ATP9B: variants seen among roughly 807,000 people sequenced by gnomAD.
ATP9B encodes the protein probable phospholipid-transporting ATPase IIB.
Under a neutral mutation model 146.1 loss-of-function variants are expected in ATP9B, and 110 were observed. The ratio of observed to expected loss-of-function variants is 0.75; its 90% confidence interval spans 0.65 to 0.88. The LOEUF (loss-of-function observed/expected upper bound fraction) is 0.88. Ranked by LOEUF, ATP9B falls within the 40% of genes least tolerant of loss-of-function variation. The pLI is 0.00. For synonymous variants in ATP9B, 604 were observed against 569.7 expected, an observed-to-expected ratio of 1.06 and a Z score of -0.86; for missense variants, 1,499 against 1,496.4, an observed-to-expected ratio of 1.00 and a Z score of -0.03.
At chr18:79,113,559 G>A (rs2094010702) in intron 4 of ATP9B, among the ~76,000 whole-genome samples, 1 of 152,190 alleles carries the variant, frequency 6.6e-6, no homozygotes. Context: ...TGCCTGTAGA[G>A]CTGCCAAAGT....
intron 11 of ATP9B, among the ~76,000 whole-genome samples, chr18:79,251,793 T>C (rs2096026486): frequency 6.6e-6 from 1 of 152,250 alleles, no homozygotes; most frequent in Non-Finnish European, 1.5e-5. Context: ...ATTTATTAGC[T>C]CAGTAATTCT....
At chr18:79,283,242 CTG>C (rs2096398343) in intron 13 of ATP9B, among the ~76,000 whole-genome samples, 1 of 152,168 alleles carries the variant, frequency 6.6e-6, no homozygotes, top group South Asian at 2.1e-4. Context: ...GGTTCTGTAA[CTG>C]TGGATGGTTG....
chr18:79,282,301 T>C (rs1226085161), intron 13 of ATP9B, among the ~76,000 whole-genome samples: 1 of 152,232 alleles, frequency 6.6e-6, no homozygotes, highest in Non-Finnish European at 1.5e-5. Flanking sequence ...CGACTTCAGT[T>C]TCAAATGAAG....
Position 79,347,893 on chromosome 18 carries a change from A to G in ATP9B, c.2806A>G (p.Met936Val), listed in dbSNP as rs757515519. 1 of 1,613,662 alleles carries G rather than the reference A, an allele frequency of 6.2e-7. No homozygotes were observed. The highest frequency in any genetic ancestry group is 8.5e-7 in the Non-Finnish European group (1 of 1,179,940). ...KRSAALGQFV[M>V]HRGLIISTMQ... ...GTCGGCGGCACTCGGCCAGTTCGTC[A>G]TGCACAGGGGCCTTATCATCTCCAC... The change falls in exon 24 of 30, where the codon ATG (methionine) becomes GTG (valine). Residue 936 changes from methionine (M) to valine (V), a missense_variant. Physicochemically the swap from Met to Val is conservative, Grantham distance 21. Transcript: ENST00000426216.
intron 8 of ATP9B, among the ~76,000 whole-genome samples, chr18:79,183,802 A>G (rs575284001): frequency 1.7e-4 from 26 of 151,440 alleles, no homozygotes; most frequent in African/African-American, 6.3e-4. Flanking sequence ...TAAAAAAAAA[A>G]AAAGAAAAAC....
intron 7 of ATP9B, among the ~76,000 whole-genome samples, chr18:79,165,226 T>C (rs1044472797): frequency 6.6e-6 from 1 of 152,198 alleles, no homozygotes; most frequent in African/African-American, 2.4e-5. Flanking sequence ...ACAGGGCTGG[T>C]GTTCAGCTTC....
chr18:79,319,952 A>G (rs934505070), intron 15 of ATP9B, among the ~76,000 whole-genome samples: 25 of 152,286 alleles, frequency 1.6e-4, no homozygotes, highest in African/African-American at 5.5e-4. Context: ...GCACACTAGT[A>G]ACTTCAGGGA....
At chr18:79,177,731 A>G (rs369579389) in intron 8 of ATP9B, among the ~76,000 whole-genome samples, 10 of 151,814 alleles carry the variant, frequency 6.6e-5, no homozygotes, top group East Asian at 5.8e-4. Context: ...TCTTTCTTCT[A>G]TTTTCTCTCT....
At chr18:79,106,862 G>A (rs551543328) in intron 2 of ATP9B, among the ~76,000 whole-genome samples, 126 of 152,308 alleles carry the variant, frequency 8.3e-4, no homozygotes, top group African/African-American at 2.8e-3. Flanking sequence ...TTTCTGTTGT[G>A]CTGCTGTTTA....
At chr18:79,212,199 C>T (rs575367316) in intron 10 of ATP9B, among the ~76,000 whole-genome samples, 1 of 152,292 alleles carries the variant, frequency 6.6e-6, no homozygotes, top group East Asian at 1.9e-4. Flanking sequence ...TATTAAAAAG[C>T]ATGACACTCA....
intron 15 of ATP9B, among the ~76,000 whole-genome samples, chr18:79,327,709 TCC>T (rs2096762694): frequency 1.0e-5 from 1 of 95,882 alleles, no homozygotes; most frequent in Non-Finnish European, 2.1e-5. Context: ...GTGTGCTCTC[TCC>T]ATGGTTAGCG....
intron 7 of ATP9B, among the ~76,000 whole-genome samples, chr18:79,157,827 T>C (rs1202175091): frequency 6.6e-6 from 1 of 152,226 alleles, no homozygotes; most frequent in Non-Finnish European, 1.5e-5. Context: ...ACAGTCCTTT[T>C]TATTTCTGTC....
chr18:79,122,472 A>G (rs1026975187), intron 4 of ATP9B, among the ~76,000 whole-genome samples: 1 of 152,222 alleles, frequency 6.6e-6, no homozygotes, highest in Non-Finnish European at 1.5e-5. Context: ...ATACTGACGT[A>G]TCTTAAAACC....
At position 79,377,523 on chromosome 18, in the gene ATP9B, G is replaced by C. The variant is rs1009698004; in HGVS notation, c.*140G>C. On this transcript the variant is annotated 3_prime_UTR_variant, in exon 30 of 30. Coordinates refer to ENST00000426216, the MANE Select transcript of ATP9B (RefSeq NM_198531.5). ...AGGGAGGGTACGCCAGGCGAGCCCA[G>C]GGCACAGATGCTGAGACAGCCTCTC... 13 of 1,131,444 alleles carry C rather than the reference G, an allele frequency of 1.1e-5. No homozygotes were observed. The Admixed American group carries it at 1.4e-4, about 13-fold the overall frequency. 70.1% of individuals were successfully genotyped at this position (1,131,444 alleles called of 1,614,324 possible).
chr18:79,182,195 C>A (rs2095259461), intron 8 of ATP9B, among the ~76,000 whole-genome samples: 1 of 152,140 alleles, frequency 6.6e-6, no homozygotes, highest in East Asian at 1.9e-4. Context: ...CTACTGAAAT[C>A]CTTGCTGGTT....
At chr18:79,238,749 C>T (rs1424073640) in intron 11 of ATP9B, among the ~76,000 whole-genome samples, 1 of 152,168 alleles carries the variant, frequency 6.6e-6, no homozygotes, top group Non-Finnish European at 1.5e-5. Flanking sequence ...TGATTTTCCT[C>T]CTCCTCCTGC....
intron 13 of ATP9B, among the ~76,000 whole-genome samples, chr18:79,299,216 C>G (rs1200933369): frequency 1.3e-5 from 2 of 151,984 alleles, no homozygotes; most frequent in Non-Finnish European, 1.5e-5. Context: ...ACTCCTGAGC[C>G]TGGCTCTGCA....
chr18:79,280,799 A>G (rs531317894), intron 13 of ATP9B, among the ~76,000 whole-genome samples: 43 of 152,042 alleles, frequency 2.8e-4, no homozygotes, highest in Non-Finnish European at 4.9e-4. Context: ...TAAAAAAGAG[A>G]TGAGTTAGAA....
In ATP9B at chr18:79,345,389, T is replaced by G. The variant is rs774865424; in HGVS notation, c.2473-39T>G. Reference sequence around the variant, plus strand: ...ATTACACAAATCTGGGACACTGTTGTCGACCATAAGGCAAAATAACACAGG... The same window carrying G: ...ATTACACAAATCTGGGACACTGTTGGCGACCATAAGGCAAAATAACACAGG... On this transcript the variant is annotated intron_variant, in intron 21 of 29. Transcript: ENST00000426216. 1.8e-5 allele frequency: 29 copies of G among 1,605,326 alleles called. 1 individual carries two copies. The South Asian group carries it at 3.1e-4, about 17-fold the overall frequency.
Sources: allele counts gnomAD v4.1 joint callset (sites outside exome capture counted in the v4.1 genomes callset), GRCh38; gene constraint gnomAD v4.1.1; transcripts MANE v1.5; gene names NCBI Gene and HGNC (gene_info 2026-07-23, HGNC 2026-07-21).